The following KATNIP variants were observed in gnomAD, a reference collection of about 807,000 sequenced individuals.
KATNIP encodes katanin-interacting protein.
In KATNIP, 126 loss-of-function variants were observed where a neutral mutation model predicts 174.0. The ratio of observed to expected loss-of-function variants is 0.72; its 90% confidence interval spans 0.63 to 0.84. The LOEUF is 0.84. Among genes scored for constraint, KATNIP ranks in the 40% least tolerant of loss-of-function variants. KATNIP has a pLI of 0.00. For missense variants in KATNIP, 1,958 were observed against 2,109.7 expected (o/e 0.93, Z 1.41); for synonymous variants, 810 against 835.7 (o/e 0.97, Z 0.53).
chr16:27,682,143 A>AT (rs2078367408), intron 8 of KATNIP, among the ~76,000 whole-genome samples: 1 of 152,234 alleles, frequency 6.6e-6, no homozygotes, highest in Admixed American at 6.5e-5. Flanking sequence ...GATGAGTAAT[A>AT]ATATGTGCAA....
intron 8 of KATNIP, among the ~76,000 whole-genome samples, chr16:27,683,591 A>T (rs1336157287): frequency 6.6e-6 from 1 of 152,184 alleles, no homozygotes; most frequent in Admixed American, 6.5e-5. Context: ...TGGAGAAATG[A>T]TCTGTAGGGG....
At chr16:27,617,492 C>G (rs906360591) in intron 2 of KATNIP, among the ~76,000 whole-genome samples, 2 of 152,162 alleles carry the variant, frequency 1.3e-5, no homozygotes, top group African/African-American at 4.8e-5. Flanking sequence ...TTGGCAAGGC[C>G]AAGGTCATGT....
At chr16:27,659,938 T>C in intron 6 of KATNIP, 25 of 904,606 alleles carry the variant, frequency 2.8e-5, no homozygotes, top group Non-Finnish European at 3.3e-5. Flanking sequence ...CACCCCCAGT[T>C]TGGCCTGGTC....
intron 6 of KATNIP, chr16:27,654,546 A>G: frequency 7.5e-7 from 1 of 1,331,240 alleles, no homozygotes; most frequent in Non-Finnish European, 1.0e-6. Flanking sequence ...GCGAGGCCCC[A>G]GCATGTCTTC....
chr16:27,704,083 CAGT>C, intron 12 of KATNIP, 85 bp downstream of exon 12: 1 of 1,075,998 alleles, frequency 9.3e-7, no homozygotes, highest in African/African-American at 1.6e-5. Flanking sequence ...ATTGCTCTGA[CAGT>C]GGTTAAATGA....
At chr16:27,583,761 G>A (rs1007793878) in intron 2 of KATNIP, among the ~76,000 whole-genome samples, 4 of 152,208 alleles carry the variant, frequency 2.6e-5, no homozygotes, top group African/African-American at 9.7e-5. Context: ...CCTTAAACCA[G>A]CTTCTGCAAA....
At chr16:27,757,302 CG>C (rs1018673286) in intron 18 of KATNIP, among the ~76,000 whole-genome samples, 1 of 152,078 alleles carries the variant, frequency 6.6e-6, no homozygotes, top group African/African-American at 2.4e-5. Context: ...GTGGGTAGGG[CG>C]GGAGGTGGGA....
At chr16:27,735,526 G>A (rs148809710) in intron 14 of KATNIP, among the ~76,000 whole-genome samples, 22 of 152,278 alleles carry the variant, frequency 1.4e-4, no homozygotes, top group Non-Finnish European at 2.4e-4. Context: ...GCTGTTCCCC[G>A]GTGAATTCAC....
chr16:27,570,969 A>C (rs2090269585), intron 1 of KATNIP, among the ~76,000 whole-genome samples: 1 of 152,222 alleles, frequency 6.6e-6, no homozygotes, highest in South Asian at 2.1e-4. Flanking sequence ...AAAGGGGAAA[A>C]AAAAGTTTTC....
chr16:27,598,918 G>T (rs1185097599), intron 2 of KATNIP, among the ~76,000 whole-genome samples: 1 of 152,176 alleles, frequency 6.6e-6, no homozygotes, highest in Non-Finnish European at 1.5e-5. Context: ...AGATGTCCCA[G>T]TTGAGACAAG....
At chr16:27,660,601 C>T (rs1218711204) in intron 6 of KATNIP, among the ~76,000 whole-genome samples, 2 of 150,590 alleles carry the variant, frequency 1.3e-5, no homozygotes, top group Non-Finnish European at 2.9e-5. Flanking sequence ...GTAGACGATA[C>T]ATAATAGTTT....
chr16:27,693,450 A>G (rs1811467), intron 8 of KATNIP, among the ~76,000 whole-genome samples: 71,645 of 151,966 alleles, frequency 0.47, 20,912 homozygotes, highest in African/African-American at 0.83. Flanking sequence ...GTGCCGTGGC[A>G]TGATCTCGAC....
In KATNIP at chr16:27,701,135, G is replaced by A. The variant is rs141474483; in HGVS notation, c.1180-454G>A. Among the ~76,000 whole-genome samples the A allele has an allele frequency of 2.5e-3, 383 of 152,230 alleles. 4 individuals are homozygous for A. The highest frequency in any genetic ancestry group is 8.6e-3 in the African/African-American group (359 of 41,554). On this transcript the variant is annotated intron_variant, in intron 10 of 27. Transcript: ENST00000261588. ...TTGTACAAAGCAGAACAGGGGCTTG[G>A]TTGAGATGGTGAGAGGATTTTTTTT...
intron 6 of KATNIP, among the ~76,000 whole-genome samples, chr16:27,650,353 C>T (rs751667528): frequency 1.3e-5 from 2 of 152,090 alleles, no homozygotes; most frequent in Non-Finnish European, 2.9e-5. Context: ...AGGCCTGGGC[C>T]AGGGTGGAGG....
intron 2 of KATNIP, among the ~76,000 whole-genome samples, chr16:27,582,044 G>A (rs561712324): frequency 9.2e-5 from 14 of 152,150 alleles, no homozygotes; most frequent in Admixed American, 5.2e-4. Flanking sequence ...GCAGCACCTC[G>A]ATTTCTGCAA....
At chr16:27,754,361 A>T in intron 18 of KATNIP, 110 bp downstream of exon 18, 1 of 901,338 alleles carries the variant, frequency 1.1e-6, no homozygotes, top group Non-Finnish European at 1.8e-6. Context: ...TGGGTTGGAC[A>T]CTGTACAGAG....
intron 2 of KATNIP, among the ~76,000 whole-genome samples, chr16:27,581,503 C>T (rs4787431): frequency 6.6e-6 from 1 of 152,124 alleles, no homozygotes; most frequent in Non-Finnish European, 1.5e-5. Context: ...AGTGACCACT[C>T]CTATAGTTCC....
At chr16:27,623,984 C>T (rs1239822674) in intron 3 of KATNIP, among the ~76,000 whole-genome samples, 1 of 152,092 alleles carries the variant, frequency 6.6e-6, no homozygotes, top group Non-Finnish European at 1.5e-5. Flanking sequence ...GGGTCTGTTT[C>T]CTCTTCTGTA....
At chr16:27,662,566 G>A (rs1164231144) in intron 6 of KATNIP, among the ~76,000 whole-genome samples, 1 of 152,166 alleles carries the variant, frequency 6.6e-6, no homozygotes, top group Non-Finnish European at 1.5e-5. Flanking sequence ...GATGTGAAAT[G>A]ATGCTGAACA....
Sources: allele counts gnomAD v4.1 joint callset (sites outside exome capture counted in the v4.1 genomes callset), GRCh38; gene constraint gnomAD v4.1.1; transcripts MANE v1.5; gene names NCBI Gene and HGNC (gene_info 2026-07-23, HGNC 2026-07-21).